Variants in KATNAL2 observed in about 807,000 individuals in gnomAD.
The protein encoded by KATNAL2 is katanin catalytic subunit A1 like 2.
A neutral mutation model predicts 76.3 loss-of-function variants in KATNAL2; 52 were observed. The observed-to-expected ratio is 0.68, with a 90% confidence interval of 0.55 to 0.86. The LOEUF (loss-of-function observed/expected upper bound fraction) is 0.86. Ranked by LOEUF, KATNAL2 falls within the 40% of genes least tolerant of loss-of-function variation. The pLI, the probability that KATNAL2 is intolerant of heterozygous loss-of-function variation, is 0.00. For missense variants in KATNAL2, 660 were observed against 668.9 expected (o/e 0.99, Z 0.15); for synonymous variants, 243 against 244.2 (o/e 1.00, Z 0.05).
chr18:47,069,701 A>C (rs1027976829), intron 13 of KATNAL2, 101 bp downstream of exon 13: 15 of 721,022 alleles, frequency 2.1e-5, no homozygotes, highest in Non-Finnish European at 3.3e-5. Context: ...TTTATGTGAG[A>C]TCTCAAGATC....
At chr18:47,074,763 G>A (rs1406007072) in intron 13 of KATNAL2, among the ~76,000 whole-genome samples, 1 of 152,140 alleles carries the variant, frequency 6.6e-6, no homozygotes, top group African/African-American at 2.4e-5. Context: ...GGAAGGCTAC[G>A]GAGTAATTTG....
chr18:47,061,469 G>C (rs973105697), intron 8 of KATNAL2, among the ~76,000 whole-genome samples: 4 of 152,190 alleles, frequency 2.6e-5, no homozygotes, highest in African/African-American at 7.2e-5. Context: ...CCTTTCATGA[G>C]AGTTCCTCCC....
chr18:47,033,653 T>A (rs774555626), intron 3 of KATNAL2: 6 of 1,614,212 alleles, frequency 3.7e-6, no homozygotes, highest in Non-Finnish European at 5.1e-6. Flanking sequence ...GGATTGTTTC[T>A]AAGCACCTGG....
At position 47,033,521 on chromosome 18, in the gene KATNAL2, C is replaced by G. The variant is rs1205528349; in HGVS notation, c.52-12936C>G. The G allele has an allele frequency of 3.7e-6, 6 of 1,614,090 alleles. No homozygotes were observed. Among genetic ancestry groups the G allele is most frequent in the Non-Finnish European group, 5.1e-6 (6 of 1,180,050 alleles). On this transcript the variant is annotated intron_variant, in intron 3 of 17. Transcript: ENST00000683218. The stretch of plus-strand genomic sequence containing the variant: ...AAACAATGATTCCTCCGTAATTCGT[C>G]TGTCTCTCTAACGAGTGCGTGATTG...
At chr18:46,918,342 AC>A (rs1218447182) in intron 1 of KATNAL2, among the ~76,000 whole-genome samples, 1 of 152,010 alleles carries the variant, frequency 6.6e-6, no homozygotes, top group Non-Finnish European at 1.5e-5. Context: ...AAACAATGTA[AC>A]TTTTAAGGCC....
chr18:47,092,228 G>C (rs1053422611), intron 15 of KATNAL2, among the ~76,000 whole-genome samples: 1 of 152,198 alleles, frequency 6.6e-6, no homozygotes, highest in African/African-American at 2.4e-5. Context: ...GCCGAGTGCA[G>C]TGGATCACGC....
At chr18:47,048,974 A>G (rs909781626) in intron 4 of KATNAL2, among the ~76,000 whole-genome samples, 5 of 151,352 alleles carry the variant, frequency 3.3e-5, no homozygotes, top group African/African-American at 7.3e-5. Flanking sequence ...AGCTGGGACT[A>G]CAGGCACCCG....
intron 6 of KATNAL2, among the ~76,000 whole-genome samples, chr18:47,056,930 A>G (rs1224077678): frequency 6.6e-6 from 1 of 152,034 alleles, no homozygotes; most frequent in Admixed American, 6.6e-5. Flanking sequence ...CATTTCATAG[A>G]TATTTTATTT....
At chr18:46,944,374 A>T (rs1381240488) in intron 1 of KATNAL2, among the ~76,000 whole-genome samples, 3 of 152,232 alleles carry the variant, frequency 2.0e-5, no homozygotes, top group African/African-American at 4.8e-5. Context: ...AACGCGGTAT[A>T]ATGAGTATTA....
chr18:46,920,455 A>C (rs1213631245), intron 1 of KATNAL2, among the ~76,000 whole-genome samples: 1 of 152,190 alleles, frequency 6.6e-6, no homozygotes, highest in Non-Finnish European at 1.5e-5. Context: ...ACACACACAC[A>C]AAATCTCAGC....
rs2061421471 is a variant in KATNAL2 at position 47,054,605 on chromosome 18, T to G, written c.332+167T>G. 5.8e-6 allele frequency: 4 copies of G among 688,896 alleles called. No homozygotes were observed. In the Admixed American group the frequency reaches 9.7e-5, roughly 17 times the overall value. The allele number at this position is 688,896 out of a possible 1,614,324, so 42.7% of individuals were successfully genotyped here. On this transcript the variant is annotated intron_variant, in intron 6 of 17. Transcript: ENST00000683218. ...TTCTCTCATTACAGCTGCCCCAGAT[T>G]TGGGCCAATGTCCGTCTACTCTCCT...
At chr18:47,042,921 C>T (rs909916775) in intron 3 of KATNAL2, among the ~76,000 whole-genome samples, 4 of 152,122 alleles carry the variant, frequency 2.6e-5, no homozygotes, top group Non-Finnish European at 2.9e-5. Context: ...AATTTTAGAA[C>T]CCTAGGGTTA....
intron 6 of KATNAL2, among the ~76,000 whole-genome samples, chr18:47,057,710 A>T (rs754239116): frequency 6.6e-6 from 1 of 152,190 alleles, no homozygotes; most frequent in African/African-American, 2.4e-5. Context: ...TCCTTCTGCA[A>T]TCCCCTTTTG....
intron 15 of KATNAL2, chr18:47,084,354 C>A (rs778114911): frequency 1.4e-6 from 1 of 702,732 alleles, no homozygotes; most frequent in Non-Finnish European, 2.6e-6. Flanking sequence ...TTTTTGGGCT[C>A]CAGGAAGAAG....
At chr18:46,927,642 A>G (rs938557596) in intron 1 of KATNAL2, among the ~76,000 whole-genome samples, 25 of 152,152 alleles carry the variant, frequency 1.6e-4, no homozygotes, top group Non-Finnish European at 5.9e-5. Flanking sequence ...GCCTTGCTAG[A>G]TTGGGGAAGT....
chr18:46,935,100 C>G (rs971446242), intron 1 of KATNAL2, among the ~76,000 whole-genome samples: 1 of 151,784 alleles, frequency 6.6e-6, no homozygotes, highest in African/African-American at 2.4e-5. Context: ...AGGAAACCTA[C>G]CAGAGCAACC....
At chr18:47,033,294 C>A (rs1241519695) in intron 3 of KATNAL2, 1 of 1,613,424 alleles carries the variant, frequency 6.2e-7, no homozygotes, top group Non-Finnish European at 8.5e-7. Context: ...ACTTCTCTTG[C>A]CTCCTTGAAG....
At chr18:47,099,136 AAAATG>A in intron 15 of KATNAL2, 102 bp from the exon 16 acceptor site, 2 of 1,117,492 alleles carry the variant, frequency 1.8e-6, no homozygotes, top group Non-Finnish European at 2.6e-6. Flanking sequence ...AGTGACAGTT[AAAATG>A]CAGAATTGCT....
chr18:47,070,124 C>G (rs2061946023), intron 13 of KATNAL2, among the ~76,000 whole-genome samples: 1 of 135,570 alleles, frequency 7.4e-6, no homozygotes. Flanking sequence ...TAGACGAAGT[C>G]TCGCTCTTGT....
Sources: allele counts gnomAD v4.1 joint callset (sites outside exome capture counted in the v4.1 genomes callset), GRCh38; gene constraint gnomAD v4.1.1; transcripts MANE v1.5; gene names NCBI Gene and HGNC (gene_info 2026-07-23, HGNC 2026-07-21).